RARB: variants seen among roughly 807,000 people sequenced by gnomAD.
RARB encodes the protein retinoic acid receptor beta.
RARB carries 17 observed loss-of-function variants against 51.9 expected under a neutral mutation model. The ratio of observed to expected loss-of-function variants is 0.33; its 90% CI spans 0.22 to 0.49. The LOEUF is 0.49. Ranked by LOEUF, RARB falls within the 20% of genes least tolerant of loss-of-function variation. The pLI is 0.99. For synonymous variants in RARB, 215 were observed against 195.4 expected (o/e 1.10, Z -0.84); for missense variants, 369 against 550.8 (o/e 0.67, Z 3.30).
intron 1 of RARB, among the ~76,000 whole-genome samples, chr3:25,449,199 G>A (rs547369519): frequency 1.4e-4 from 22 of 152,118 alleles, no homozygotes; most frequent in East Asian, 3.9e-4. Flanking sequence ...GCCACACGCC[G>A]TTGGACTGCC....
intron 5 of RARB, among the ~76,000 whole-genome samples, chr3:25,261,722 C>G (rs1453896061): frequency 6.6e-6 from 1 of 152,144 alleles, no homozygotes; most frequent in Non-Finnish European, 1.5e-5. Context: ...CTGTATCTCA[C>G]TCGAGGGCAC....
intron 5 of RARB, among the ~76,000 whole-genome samples, chr3:25,287,313 T>C (rs1270161116): frequency 6.6e-6 from 1 of 152,220 alleles, no homozygotes; most frequent in Non-Finnish European, 1.5e-5. Flanking sequence ...ACACTCTGCA[T>C]TCCAGACCAC....
chr3:25,426,045 G>T (rs1437459282), upstream of RARB, among the ~76,000 whole-genome samples: 1 of 152,060 alleles, frequency 6.6e-6, no homozygotes, highest in African/African-American at 2.4e-5. Context: ...CCACTGTCCG[G>T]TAAAAATGAA....
At chr3:24,927,731 T>C (rs992101269) in intron 2 of RARB, among the ~76,000 whole-genome samples, 2 of 152,092 alleles carry the variant, frequency 1.3e-5, no homozygotes, top group Non-Finnish European at 1.5e-5. Flanking sequence ...TTTCCCTCAA[T>C]ATACTAACCT....
chr3:24,920,830 G>A (rs1339162481), intron 2 of RARB, among the ~76,000 whole-genome samples: 1 of 152,162 alleles, frequency 6.6e-6, no homozygotes, highest in Admixed American at 6.5e-5. Context: ...CTTCTAATTG[G>A]ATACTGCATT....
chr3:25,023,789 G>A (rs999245929), intron 2 of RARB, among the ~76,000 whole-genome samples: 4 of 152,160 alleles, frequency 2.6e-5, no homozygotes, highest in African/African-American at 7.2e-5. Context: ...TATCTAAACA[G>A]TTATTCAAAT....
chr3:25,270,421 A>C (rs1479533608), intron 5 of RARB, among the ~76,000 whole-genome samples: 1 of 152,194 alleles, frequency 6.6e-6, no homozygotes, highest in African/African-American at 2.4e-5. Flanking sequence ...GAGGTACCTA[A>C]AGTAGTCAAA....
At chr3:25,264,128 A>G in intron 5 of RARB, among the ~76,000 whole-genome samples, 1 of 152,032 alleles carries the variant, frequency 6.6e-6, no homozygotes, top group East Asian at 1.9e-4. Context: ...TTTTTAAAAA[A>G]AGGTTGATTC....
chr3:24,927,747 A>G (rs947895235), intron 2 of RARB, among the ~76,000 whole-genome samples: 3 of 152,070 alleles, frequency 2.0e-5, no homozygotes, highest in Admixed American at 1.3e-4. Context: ...AACCTTGTTA[A>G]AGCGTATTTT....
intron 5 of RARB, among the ~76,000 whole-genome samples, chr3:25,344,624 G>C (rs977823918): frequency 6.6e-6 from 1 of 152,132 alleles, no homozygotes; most frequent in Non-Finnish European, 1.5e-5. Flanking sequence ...TCCAAGATGG[G>C]ACCCCTAAAG....
intron 2 of RARB, among the ~76,000 whole-genome samples, chr3:24,918,457 T>C (rs1485741507): frequency 2.0e-5 from 3 of 152,176 alleles, no homozygotes; most frequent in Non-Finnish European, 4.4e-5. Flanking sequence ...GACGGAGATA[T>C]TTTAAAACTT....
intron 2 of RARB, among the ~76,000 whole-genome samples, chr3:24,976,519 A>G (rs931431200): frequency 6.6e-6 from 1 of 152,210 alleles, no homozygotes; most frequent in Non-Finnish European, 1.5e-5. Context: ...TCTGATGACC[A>G]GCGATGATGA....
intron 5 of RARB, chr3:25,259,057 A>T: frequency 1.0e-6 from 1 of 985,316 alleles, no homozygotes; most frequent in Non-Finnish European, 1.2e-6. Context: ...AGGAATGTGA[A>T]CATACTTCAG....
chr3:25,298,184 CTTT>C (rs5847347), intron 5 of RARB, among the ~76,000 whole-genome samples: 8 of 136,938 alleles, frequency 5.8e-5, no homozygotes, highest in Non-Finnish European at 6.3e-5. Context: ...GCTACCAAAT[CTTT>C]TTTTTTTTTT....
Position 24,859,187 on chromosome 3 carries a change from C to T in RARB, c.-380+435C>T, listed in dbSNP as rs1266885501. On this transcript the variant is annotated intron_variant, in intron 2 of 11. Transcript: ENST00000383772. Reference sequence around the variant, plus strand: ...TTCAACTCAAGGCAGCAGTTTCTTGCCAGGAAGAGCGGAGAGAAAAGAATT... The same window carrying T: ...TTCAACTCAAGGCAGCAGTTTCTTGTCAGGAAGAGCGGAGAGAAAAGAATT... Among the ~76,000 whole-genome samples, 7 of 152,036 alleles carry T rather than the reference C, an allele frequency of 4.6e-5. No individual in the cohort carries two copies. The South Asian group carries it at 1.2e-3, about 27-fold the overall frequency.
At chr3:24,929,766 G>A (rs888024130) in intron 2 of RARB, among the ~76,000 whole-genome samples, 2 of 152,096 alleles carry the variant, frequency 1.3e-5, no homozygotes, top group African/African-American at 4.8e-5. Flanking sequence ...CCCAGCTGTT[G>A]TCAATGTGGC....
intron 2 of RARB, among the ~76,000 whole-genome samples, chr3:25,485,455 C>T (rs571881788): frequency 3.5e-4 from 54 of 152,238 alleles, no homozygotes; most frequent in Non-Finnish European, 4.3e-4. Context: ...CAGGTCTAGC[C>T]CCACTCATAT....
intron 2 of RARB, among the ~76,000 whole-genome samples, chr3:24,953,838 C>A (rs977673344): frequency 1.3e-5 from 2 of 152,146 alleles, no homozygotes; most frequent in African/African-American, 4.8e-5. Context: ...TACTTGACTT[C>A]TTGTCCAGGA....
At chr3:25,297,296 A>T (rs947951395) in intron 5 of RARB, among the ~76,000 whole-genome samples, 1 of 152,142 alleles carries the variant, frequency 6.6e-6, no homozygotes, top group Admixed American at 6.5e-5. Flanking sequence ...TAACTGAAAC[A>T]TAGAATTAGA....
Sources: gnomAD v4.1 joint callset for allele counts (sites outside exome capture counted in the v4.1 genomes callset) on GRCh38, gnomAD v4.1.1 for gene constraint, MANE v1.5 for transcripts, NCBI Gene and HGNC (gene_info 2026-07-23, HGNC 2026-07-21) for gene names.